The following SPIRE2 variants were observed in gnomAD, a reference collection of about 807,000 sequenced individuals.
The protein encoded by SPIRE2 is protein spire homolog 2.
In SPIRE2, 76 loss-of-function variants were observed where a neutral mutation model predicts 80.7. The ratio of observed to expected loss-of-function variants is 0.94; its 90% CI spans 0.78 to 1.14. The LOEUF is 1.14. Among genes scored for constraint, SPIRE2 ranks in the 50% most tolerant of loss-of-function variants. SPIRE2 has a pLI of 0.00. For synonymous variants in SPIRE2, 535 were observed against 432.6 expected (o/e 1.24, Z -2.94); for missense variants, 1,196 against 1,015.3 (o/e 1.18, Z -2.42).
chr16:89,832,907 AG>A (rs2041400612), intron 1 of SPIRE2, among the ~76,000 whole-genome samples: 1 of 150,514 alleles, frequency 6.6e-6, no homozygotes, highest in Non-Finnish European at 1.5e-5. Context: ...CTGCAACCTT[AG>A]CCTCCTGAGT....
intron 3 of SPIRE2, 89 bp downstream of exon 3, chr16:89,850,749 C>T (rs549567011): frequency 2.0e-5 from 20 of 1,002,354 alleles, no homozygotes; most frequent in South Asian, 1.1e-4. Context: ...GACGTCTCTT[C>T]GTGGACAGAA....
At position 89,863,895 on chromosome 16, in the gene SPIRE2, G is replaced by T; in HGVS notation, c.1778+34G>T. 1.3e-6 allele frequency: 2 copies of T among 1,573,012 alleles called. 1 individual carries two copies. The highest frequency in any genetic ancestry group is 2.3e-5 in the South Asian group (2 of 88,416). On this transcript the variant is annotated intron_variant, in intron 12 of 14. Coordinates refer to ENST00000378247, the MANE Select transcript of SPIRE2 (RefSeq NM_032451.2). The surrounding 1 kb of genome is among the most constrained non-coding windows in gnomAD (Gnocchi z 4.3). ...TCCCTTTAGCTGTCAGTTCACAAGG[G>T]AAGGAGGAGGCGAGAAACCTCGGGG...
At chr16:89,837,970 C>T (rs2041466521) in intron 1 of SPIRE2, among the ~76,000 whole-genome samples, 1 of 152,094 alleles carries the variant, frequency 6.6e-6, no homozygotes. Flanking sequence ...GCGTTTCTCC[C>T]TCTGGGCTTC....
At position 89,843,601 on chromosome 16, in the gene SPIRE2, A is replaced by C. The variant is rs1319196737; in HGVS notation, c.245-1721A>C. On this transcript the variant is annotated intron_variant, in intron 1 of 14. Coordinates refer to ENST00000378247, the MANE Select transcript of SPIRE2 (RefSeq NM_032451.2). ...CAGTCCCAGGCAGGTGGTGTGTCTC[A>C]TCTCAGACCACAGGTTCTTTCCTGA... 5.0e-5 allele frequency among the ~76,000 whole-genome samples: 7 copies of C among 140,790 alleles called. No individual in the cohort carries two copies. In the Admixed American group the frequency reaches 5.2e-4, roughly 10 times the overall value. 92.4% of individuals were successfully genotyped at this position (140,790 alleles called of 152,430 possible). A position where few individuals can be genotyped will look rare whatever the true frequency, so the allele number is the denominator to read the frequency against.
At chr16:89,832,634 G>A (rs1181238143) in intron 1 of SPIRE2, among the ~76,000 whole-genome samples, 1 of 152,030 alleles carries the variant, frequency 6.6e-6, no homozygotes, top group Non-Finnish European at 1.5e-5. Flanking sequence ...GGGCACCCTC[G>A]GAGCTCAGGC....
intron 1 of SPIRE2, among the ~76,000 whole-genome samples, chr16:89,832,862 C>G (rs2041399944): frequency 1.3e-5 from 2 of 152,092 alleles, no homozygotes; most frequent in Admixed American, 1.3e-4. Flanking sequence ...GCTCTTATTG[C>G]CCAGGCTGGA....
chr16:89,863,668 G>A lies in SPIRE2; in HGVS notation c.1710+58G>A, dbSNP rs540204561. 94 of 1,613,282 alleles carry A rather than the reference G, an allele frequency of 5.8e-5. No homozygotes were observed. Among genetic ancestry groups the A allele is most frequent in the Non-Finnish European group, 7.3e-5 (86 of 1,179,542 alleles). ...GCCCGCTGGGTCAGGGGCGGGTGCC[G>A]AGAGGGCCAGTTCCCAGGACTGTTT... On this transcript the variant is annotated intron_variant, in intron 11 of 14. Transcript: ENST00000378247. This position sits in a 1 kb window ranked among gnomAD's most constrained non-coding sequence, Gnocchi z 4.3.
At position 89,837,197 on chromosome 16, in the gene SPIRE2, G is replaced by C. The variant is rs141014503; in HGVS notation, c.245-8125G>C. Among the ~76,000 whole-genome samples the C allele has an allele frequency of 2.3e-3, 355 of 152,236 alleles. 2 individuals carry two copies. The highest frequency in any genetic ancestry group is 8.2e-3 in the African/African-American group (339 of 41,562). Reference sequence around the variant, plus strand: ...AGTCCTGCCCGGAACATCTGACTCTGACCCTCCCAGGTCAGCCTGAGAATC... The same window carrying C: ...AGTCCTGCCCGGAACATCTGACTCTCACCCTCCCAGGTCAGCCTGAGAATC... On this transcript the variant is annotated intron_variant, in intron 1 of 14. Transcript: ENST00000378247.
Position 89,869,576 on chromosome 16 carries a change from C to T in SPIRE2, c.1816C>T (p.Pro606Ser). The T allele has an allele frequency of 1.9e-6, 3 of 1,611,880 alleles. No homozygotes were observed. The highest frequency in any genetic ancestry group is 2.5e-6 in the Non-Finnish European group (3 of 1,178,018). The change falls in exon 14 of 15, where the codon CCT (proline) becomes TCT (serine). Residue 606 changes from proline to serine, a missense_variant. Coordinates refer to ENST00000378247, the MANE Select transcript of SPIRE2 (RefSeq NM_032451.2). ...CTSCSIKMKMPSKKFGHIPVY... is the reference protein window; with the variant it reads ...CTSCSIKMKMSSKKFGHIPVY... ...TCCCTCTGTGCTGCAGATGAAGATG[C>T]CTTCTAAGAAATTTGGACACATCCC...
At chr16:89,852,584 G>A in intron 3 of SPIRE2, among the ~76,000 whole-genome samples, 1 of 25,526 alleles carries the variant, frequency 3.9e-5, no homozygotes, top group Non-Finnish European at 7.5e-5. Flanking sequence ...TGGATCCCCT[G>A]GCCCATCTTC....
intron 1 of SPIRE2, among the ~76,000 whole-genome samples, chr16:89,831,723 G>C (rs552802439): frequency 6.6e-6 from 1 of 151,108 alleles, no homozygotes; most frequent in African/African-American, 2.4e-5. Flanking sequence ...TCACAGGCAG[G>C]CCCCGCTCTT....
At chr16:89,842,571 G>A (rs1400063140) in intron 1 of SPIRE2, among the ~76,000 whole-genome samples, 1 of 152,162 alleles carries the variant, frequency 6.6e-6, no homozygotes, top group East Asian at 1.9e-4. Flanking sequence ...TTGAGCCAGA[G>A]GCACAAACAT....
chr16:89,835,505 G>A (rs1171910916), intron 1 of SPIRE2, among the ~76,000 whole-genome samples: 1 of 152,204 alleles, frequency 6.6e-6, no homozygotes, highest in African/African-American at 2.4e-5. Flanking sequence ...AGGGGTATTG[G>A]AGTGCTGGTG....
chr16:89,858,083 C>T (rs2041708457), intron 7 of SPIRE2, among the ~76,000 whole-genome samples: 1 of 151,806 alleles, frequency 6.6e-6, no homozygotes. Context: ...GACAGGGTTT[C>T]ACCATGTTAG....
rs371981680 is a variant in SPIRE2 at position 89,863,745 on chromosome 16, C to G, written c.1711-49C>G. The G allele has an allele frequency of 4.0e-5, 64 of 1,609,198 alleles. No homozygotes were observed. Among genetic ancestry groups the G allele is most frequent in the Non-Finnish European group, 1.4e-5 (17 of 1,175,752 alleles). On this transcript the variant is annotated intron_variant, in intron 11 of 14. Coordinates refer to ENST00000378247, the MANE Select transcript of SPIRE2 (RefSeq NM_032451.2). This position sits in a 1 kb window ranked among gnomAD's most constrained non-coding sequence, Gnocchi z 4.3. ...GGGGGTAGCAGGGACAGGGCGGGAC[C>G]CCAGGGAGCTTTGGACAAAGCGGGG...
chr16:89,842,208 ATTTTTTTT>A lies in SPIRE2; in HGVS notation c.245-3099_245-3092del, dbSNP rs71137682. 4.6e-4 allele frequency among the ~76,000 whole-genome samples: 37 copies of A among 81,312 alleles called. 1 individual carries two copies. Among genetic ancestry groups the A allele is most frequent in the African/African-American group, 2.1e-3 (35 of 16,344 alleles). 53.3% of individuals were successfully genotyped at this position (81,312 alleles called of 152,430 possible). ...ATACAATTAGATTCATGAACACGTA[ATTTTTTTT>A]TTTTTTTTTTTTTTGTGACGGAGTC... On this transcript the variant is annotated intron_variant, in intron 1 of 14. Coordinates refer to ENST00000378247, the MANE Select transcript of SPIRE2 (RefSeq NM_032451.2).
chr16:89,870,155 G>A lies in SPIRE2; in HGVS notation c.2028G>A (p.Val676=), dbSNP rs1375800462. The change falls in exon 15 of 15, where the codon GTG becomes GTA. Residue 676 remains valine (V), a synonymous_variant. Coordinates refer to ENST00000378247, the MANE Select transcript of SPIRE2 (RefSeq NM_032451.2). ...KDVCSECTSF[V]ADVVRSSRKS... ...TCTGCAGTGAGTGCACCAGCTTTGTGGCAGACGTGGTGCGTTCCAGCCGCA... is the reference window on the plus strand; with the variant it reads ...TCTGCAGTGAGTGCACCAGCTTTGTAGCAGACGTGGTGCGTTCCAGCCGCA... 1 of 1,611,776 alleles carries A rather than the reference G, an allele frequency of 6.2e-7. No homozygotes were observed. The highest frequency in any genetic ancestry group is 1.7e-5 in the Admixed American group (1 of 59,706).
At chr16:89,858,705 G>A (rs538633731) in intron 8 of SPIRE2, among the ~76,000 whole-genome samples, 198 bp downstream of exon 8, 59 of 152,350 alleles carry the variant, frequency 3.9e-4, no homozygotes, top group African/African-American at 1.4e-3. Context: ...CCGCTCAGAA[G>A]GGTGACTGGG....
chr16:89,850,376 C>G lies in SPIRE2; in HGVS notation c.361C>G (p.Leu121Val), dbSNP rs999842618. The change falls in exon 3 of 15, where the codon CTC (leucine) becomes GTC (valine). Residue 121 changes from leucine (L) to valine (V), a missense_variant. Coordinates refer to ENST00000378247, the MANE Select transcript of SPIRE2 (RefSeq NM_032451.2). ...WGLDESEERELSPQLERLIDL... is the reference protein window; with the variant it reads ...WGLDESEEREVSPQLERLIDL... ...GCTGGACGAGAGCGAGGAGCGCGAA[C>G]TCAGCCCTCAGCTGGAGCGGCTCAT... 1.9e-6 allele frequency: 3 copies of G among 1,599,292 alleles called. No homozygotes were observed. Among genetic ancestry groups the G allele is most frequent in the Non-Finnish European group, 2.6e-6 (3 of 1,174,620 alleles).
Sources: gnomAD v4.1 joint callset for allele counts (sites outside exome capture counted in the v4.1 genomes callset) on GRCh38, gnomAD v4.1.1 for gene constraint, Gnocchi (gnomAD v3.1) non-coding constraint, MANE v1.5 for transcripts, NCBI Gene and HGNC (gene_info 2026-07-23, HGNC 2026-07-21) for gene names.